Variants in FTCDNL1 observed in about 807,000 individuals in gnomAD.
FTCDNL1 encodes the protein formiminotransferase N-terminal subdomain-containing protein.
In FTCDNL1, 11 loss-of-function variants were observed where a neutral mutation model predicts 5.9. The ratio of observed to expected loss-of-function variants is 1.87; its 90% CI spans 1.18 to 3.10. The LOEUF is 3.10. FTCDNL1 is among the 30% of genes most tolerant of loss of function. FTCDNL1 has a pLI of 0.00. For synonymous variants in FTCDNL1, 58 were observed against 24.8 expected (o/e 2.34, Z -3.99); for missense variants, 115 against 65.5 (o/e 1.76, Z -2.61).
intron 2 of FTCDNL1, among the ~76,000 whole-genome samples, chr2:199,848,284 C>G (rs1340081790): frequency 1.3e-5 from 2 of 152,174 alleles, no homozygotes; most frequent in Non-Finnish European, 2.9e-5. Context: ...TCTTCTGTCA[C>G]CAAATTGCTG....
the FTCDNL1 span, among the ~76,000 whole-genome samples, chr2:199,699,054 A>C: frequency 1.3e-5 from 2 of 152,340 alleles, no homozygotes; most frequent in South Asian, 4.1e-4. Flanking sequence ...ACAACTTTTC[A>C]AGATTGAATC....
chr2:199,724,623 C>A, the FTCDNL1 span, among the ~76,000 whole-genome samples: 1 of 152,070 alleles, frequency 6.6e-6, no homozygotes, highest in Non-Finnish European at 1.5e-5. Flanking sequence ...TTGTTTTATG[C>A]CTTAATTTCA....
At chr2:199,828,513 G>A (rs1377860627) in intron 3 of FTCDNL1, among the ~76,000 whole-genome samples, 1 of 152,134 alleles carries the variant, frequency 6.6e-6, no homozygotes, top group Non-Finnish European at 1.5e-5. Context: ...CTCTACAGTG[G>A]AACCAAACTT....
At chr2:199,762,551 C>T (rs570163240) in intron 3 of FTCDNL1, among the ~76,000 whole-genome samples, 8 of 152,252 alleles carry the variant, frequency 5.3e-5, no homozygotes, top group Non-Finnish European at 1.0e-4. Context: ...TTGTTCTCTG[C>T]TGTCTCTCCA....
At chr2:199,703,650 A>G in the FTCDNL1 span, among the ~76,000 whole-genome samples, 1 of 152,150 alleles carries the variant, frequency 6.6e-6, no homozygotes, top group Non-Finnish European at 1.5e-5. Flanking sequence ...AAAATTGCCT[A>G]CAGGGTACTA....
chr2:199,787,412 G>A (rs1208437916), intron 3 of FTCDNL1, among the ~76,000 whole-genome samples: 1 of 152,020 alleles, frequency 6.6e-6, no homozygotes, highest in Non-Finnish European at 1.5e-5. Flanking sequence ...TCGAACTCCT[G>A]GGCTCAAGTA....
intron 3 of FTCDNL1, among the ~76,000 whole-genome samples, chr2:199,794,562 C>T (rs1700084380): frequency 6.6e-6 from 1 of 152,168 alleles, no homozygotes; most frequent in Admixed American, 6.5e-5. Context: ...ACATTTGTCA[C>T]ATTCTGAGGA....
intron 3 of FTCDNL1, among the ~76,000 whole-genome samples, chr2:199,839,972 A>G (rs1357468663): frequency 1.3e-5 from 2 of 152,222 alleles, no homozygotes; most frequent in African/African-American, 4.8e-5. Context: ...GTCAAAAAAG[A>G]AAAAGAGAAG....
At chr2:199,717,243 A>G in the FTCDNL1 span, among the ~76,000 whole-genome samples, 6 of 152,240 alleles carry the variant, frequency 3.9e-5, no homozygotes, top group African/African-American at 1.4e-4. Context: ...GTCGGGCATC[A>G]GAGAAATGAC....
At chr2:199,715,316 C>G in the FTCDNL1 span, among the ~76,000 whole-genome samples, 1 of 152,114 alleles carries the variant, frequency 6.6e-6, no homozygotes, top group Non-Finnish European at 1.5e-5. Context: ...AACTGTGGCT[C>G]CCATAATCCC....
chr2:199,749,185 G>A, the FTCDNL1 span, among the ~76,000 whole-genome samples: 1 of 152,168 alleles, frequency 6.6e-6, no homozygotes, highest in East Asian at 1.9e-4. Flanking sequence ...GCACATACCT[G>A]GCCCTTCTCA....
chr2:199,667,574 T>A, the FTCDNL1 span, among the ~76,000 whole-genome samples: 1 of 152,142 alleles, frequency 6.6e-6, no homozygotes, highest in Admixed American at 6.5e-5. Context: ...AGGTCGAGGC[T>A]TCAGTAAGCT....
chr2:199,827,039 T>A (rs961459997), intron 3 of FTCDNL1, among the ~76,000 whole-genome samples: 1 of 152,172 alleles, frequency 6.6e-6, no homozygotes, highest in African/African-American at 2.4e-5. Context: ...CTTCACAACA[T>A]CAAAGGCAGC....
chr2:199,797,937 G>C (rs757772456), intron 3 of FTCDNL1, among the ~76,000 whole-genome samples: 1 of 152,196 alleles, frequency 6.6e-6, no homozygotes, highest in African/African-American at 2.4e-5. Flanking sequence ...ACAACAGGAA[G>C]AGGCATGAGG....
the FTCDNL1 span, among the ~76,000 whole-genome samples, chr2:199,693,697 A>C: frequency 6.6e-6 from 1 of 152,186 alleles, no homozygotes; most frequent in Admixed American, 6.5e-5. Context: ...AAATGGAGTA[A>C]TTTCTGCCTA....
intron 3 of FTCDNL1, among the ~76,000 whole-genome samples, chr2:199,769,805 A>G (rs865816051): frequency 6.6e-6 from 1 of 152,104 alleles, no homozygotes; most frequent in Non-Finnish European, 1.5e-5. Flanking sequence ...GGTTTTCCTC[A>G]GCCCTGGCAA....
rs1036003920 is a variant in FTCDNL1 at position 199,812,360 on chromosome 2, G to A, written c.*345C>T. Among the ~76,000 whole-genome samples the A allele has an allele frequency of 4.0e-5, 6 of 150,246 alleles. No individual in the cohort carries two copies. The highest frequency in any genetic ancestry group is 6.0e-5 in the Non-Finnish European group (4 of 66,892). On this transcript the variant is annotated 3_prime_UTR_variant, in exon 5 of 5. Coordinates refer to ENST00000420128, the MANE Select transcript of FTCDNL1 (RefSeq NM_001363886.2). ...ATCCTTCCAAGTCAAAACCAATACGGTGATCCAATTATACTGAATCAAATT... is the reference window on the plus strand; with the variant it reads ...ATCCTTCCAAGTCAAAACCAATACGATGATCCAATTATACTGAATCAAATT...
chr2:199,843,511 C>T (rs1210455169), intron 3 of FTCDNL1, among the ~76,000 whole-genome samples: 1 of 152,048 alleles, frequency 6.6e-6, no homozygotes. Flanking sequence ...CTTGGATAAC[C>T]CTTCAACTGT....
At chr2:199,749,967 C>T in the FTCDNL1 span, among the ~76,000 whole-genome samples, 1 of 151,420 alleles carries the variant, frequency 6.6e-6, no homozygotes, top group Admixed American at 6.6e-5. Flanking sequence ...GTGATTATTA[C>T]CCATTGCAGG....
Sources: allele counts gnomAD v4.1 joint callset (sites outside exome capture counted in the v4.1 genomes callset), GRCh38; gene constraint gnomAD v4.1.1; transcripts MANE v1.5; gene names NCBI Gene and HGNC (gene_info 2026-07-23, HGNC 2026-07-21).